The following AUTS2 variants were observed in gnomAD, a reference collection of about 807,000 sequenced individuals.
AUTS2 encodes autism susceptibility gene 2 protein.
In AUTS2, 17 loss-of-function variants were observed where a neutral mutation model predicts 112.4. The ratio of observed to expected loss-of-function variants is 0.15; its 90% CI spans 0.10 to 0.23. AUTS2 has a LOEUF of 0.23. AUTS2 is among the 10% of genes least tolerant of loss of function. The pLI is 1.00. For missense variants in AUTS2, 1,510 were observed against 1,701.6 expected (o/e 0.89, Z 1.98); for synonymous variants, 751 against 702.7 (o/e 1.07, Z -1.09).
chr7:69,760,512 G>A (rs903731510), intron 1 of AUTS2, among the ~76,000 whole-genome samples: 2 of 152,050 alleles, frequency 1.3e-5, no homozygotes, highest in African/African-American at 4.8e-5. Flanking sequence ...CATACAAAGA[G>A]CTGCTGCCCA....
chr7:70,233,722 C>T (rs887822270), intron 4 of AUTS2, among the ~76,000 whole-genome samples: 4 of 152,144 alleles, frequency 2.6e-5, no homozygotes, highest in South Asian at 2.1e-4. Context: ...ACATTATCCC[C>T]GTAGGGTCCT....
chr7:70,078,707 A>G (rs1401284725), intron 2 of AUTS2, among the ~76,000 whole-genome samples: 1 of 152,214 alleles, frequency 6.6e-6, no homozygotes, highest in Non-Finnish European at 1.5e-5. Context: ...GGGAGAAAGG[A>G]AGGAGAATGT....
At chr7:70,568,765 A>T (rs1231690981) in intron 5 of AUTS2, among the ~76,000 whole-genome samples, 1 of 152,176 alleles carries the variant, frequency 6.6e-6, no homozygotes, top group African/African-American at 2.4e-5. Flanking sequence ...GCCAACTGGG[A>T]ACTCTGCCAC....
intron 4 of AUTS2, among the ~76,000 whole-genome samples, chr7:70,307,016 G>T (rs960137854): frequency 2.0e-5 from 3 of 152,030 alleles, no homozygotes; most frequent in African/African-American, 7.2e-5. Flanking sequence ...AACTGTTTTT[G>T]TAATGTGTAT....
chr7:69,840,983 C>G (rs1791953818), intron 1 of AUTS2, among the ~76,000 whole-genome samples: 1 of 152,172 alleles, frequency 6.6e-6, no homozygotes, highest in South Asian at 2.1e-4. Flanking sequence ...GAATAACCCA[C>G]AAATTACCAG....
chr7:70,140,620 T>G (rs980690475), intron 4 of AUTS2, among the ~76,000 whole-genome samples: 1 of 152,206 alleles, frequency 6.6e-6, no homozygotes, highest in Non-Finnish European at 1.5e-5. Flanking sequence ...TGTTAAGTAC[T>G]TATATTTAAG....
At chr7:69,917,931 C>G (rs1259941553) in intron 2 of AUTS2, among the ~76,000 whole-genome samples, 1 of 152,094 alleles carries the variant, frequency 6.6e-6, no homozygotes, top group Admixed American at 6.5e-5. Context: ...CAACCTCCAC[C>G]TCCTGGGTTC....
At chr7:70,248,357 C>T (rs921887125) in intron 4 of AUTS2, among the ~76,000 whole-genome samples, 1 of 152,172 alleles carries the variant, frequency 6.6e-6, no homozygotes, top group Non-Finnish European at 1.5e-5. Context: ...CTCCTGACCT[C>T]AAGTGATCTG....
chr7:70,127,698 A>G (rs1300822000), intron 3 of AUTS2, among the ~76,000 whole-genome samples: 2 of 152,230 alleles, frequency 1.3e-5, no homozygotes, highest in Non-Finnish European at 2.9e-5. Context: ...CTCAGAAAAT[A>G]ATGAAAATGG....
chr7:70,691,373 G>T (rs1808744944), intron 5 of AUTS2, among the ~76,000 whole-genome samples: 2 of 150,928 alleles, frequency 1.3e-5, no homozygotes, highest in Non-Finnish European at 1.5e-5. Context: ...CTTTGACTTG[G>T]CATCTTTATA....
Position 70,711,889 on chromosome 7 carries a change from CCCTTT to C in AUTS2, c.742+13270_742+13274del, listed in dbSNP as rs546838436. ...CTAAAAACACAGTCTCTTTCCATGC[CCCTTT>C]ACTCACTCCCCACACATCTTCTCTG... On this transcript the variant is annotated intron_variant, in intron 6 of 18. Transcript: ENST00000342771. Among the ~76,000 whole-genome samples, 16 of 152,256 alleles carry C rather than the reference CCCTTT, an allele frequency of 1.1e-4. No individual in the cohort carries two copies. The South Asian group carries it at 3.1e-3, about 30-fold the overall frequency.
chr7:70,603,521 G>A (rs1403313813), intron 5 of AUTS2, among the ~76,000 whole-genome samples: 1 of 147,358 alleles, frequency 6.8e-6, no homozygotes, highest in Non-Finnish European at 1.5e-5. Flanking sequence ...AGCCTGTGCT[G>A]TGCTCTCCTA....
chr7:70,733,884 G>T (rs1359352607), intron 6 of AUTS2, among the ~76,000 whole-genome samples: 2 of 151,946 alleles, frequency 1.3e-5, no homozygotes, highest in East Asian at 3.9e-4. Flanking sequence ...ACCACGCCTG[G>T]CCTCTACATT....
At chr7:70,260,874 T>C (rs1355511787) in intron 4 of AUTS2, among the ~76,000 whole-genome samples, 2 of 151,892 alleles carry the variant, frequency 1.3e-5, no homozygotes, top group Admixed American at 6.6e-5. Context: ...CTCAGCCTCC[T>C]GAGTAGCTGG....
chr7:70,118,166 A>G lies in AUTS2; in HGVS notation c.557A>G (p.Asp186Gly), dbSNP rs1394236279. 2.5e-6 allele frequency: 4 copies of G among 1,612,118 alleles called. No individual in the cohort carries two copies. In the East Asian group the frequency reaches 8.9e-5, roughly 36 times the overall value. Residue 186 changes from aspartate to glycine, a missense_variant, in exon 3 of 19, where the codon GAC becomes GGC. Physicochemically the swap from Asp to Gly is moderately conservative, Grantham distance 94. This residue lies in a region of AUTS2 where 535 missense variants were observed against 594.3 expected (regional missense o/e 0.90). Coordinates refer to ENST00000342771, the MANE Select transcript of AUTS2 (RefSeq NM_015570.4). Reference protein sequence around the residue: ...KPGQNSCRDSDSESASGESKG... With the variant: ...KPGQNSCRDSGSESASGESKG... ...GGACAGAACAGCTGCAGGGACAGTG[A>G]CAGTGAAAGTGCCAGTGGAGAATCC...
At chr7:70,335,027 C>T (rs2129619865) in intron 4 of AUTS2, among the ~76,000 whole-genome samples, 1 of 152,238 alleles carries the variant, frequency 6.6e-6, no homozygotes, top group African/African-American at 2.4e-5. Flanking sequence ...AGCTGTCCTT[C>T]TCATCAGGGA....
At position 69,809,433 on chromosome 7, in the gene AUTS2, A is replaced by G. The variant is rs140786700; in HGVS notation, c.310-89853A>G. Among the ~76,000 whole-genome samples, 207 of 152,312 alleles carry G rather than the reference A, an allele frequency of 1.4e-3. 3 individuals are homozygous for G. The highest frequency in any genetic ancestry group is 0.012 in the Admixed American group (179 of 15,298). On this transcript the variant is annotated intron_variant, in intron 1 of 18. Transcript: ENST00000342771. ...TTCACATTAGCTCTTAGCCATCTGA[A>G]TGCATGCCTACAAGGAATGCAATTG... is the stretch of plus-strand genomic sequence containing the variant.
At chr7:70,085,732 T>G (rs1332493525) in intron 2 of AUTS2, among the ~76,000 whole-genome samples, 1 of 152,220 alleles carries the variant, frequency 6.6e-6, no homozygotes, top group African/African-American at 2.4e-5. Flanking sequence ...CTTTCTTCAG[T>G]GAATTACCTT....
intron 3 of AUTS2, among the ~76,000 whole-genome samples, chr7:70,132,199 G>C (rs1198693319): frequency 6.7e-6 from 1 of 149,844 alleles, no homozygotes; most frequent in African/African-American, 2.5e-5. Flanking sequence ...GAGTACAGTA[G>C]GTTGGCACAT....
Sources: gnomAD v4.1 joint callset for allele counts (sites outside exome capture counted in the v4.1 genomes callset) on GRCh38, gnomAD v4.1.1 for gene constraint, gnomAD v4.1.1 regional missense constraint, MANE v1.5 for transcripts, NCBI Gene and HGNC (gene_info 2026-07-23, HGNC 2026-07-21) for gene names.